The following NKAIN2 variants were observed in gnomAD, a reference collection of about 807,000 sequenced individuals.
The protein encoded by NKAIN2 is sodium/potassium-transporting ATPase subunit beta-1-interacting protein 2.
NKAIN2 carries 14 observed loss-of-function variants against 32.6 expected under a neutral mutation model. The observed-to-expected ratio is 0.43, with a 90% confidence interval of 0.28 to 0.67. NKAIN2 has a LOEUF of 0.67. Among genes scored for constraint, NKAIN2 ranks in the 30% least tolerant of loss-of-function variants. The pLI is 0.17. For missense variants in NKAIN2, 198 were observed against 258.3 expected (o/e 0.77, Z 1.60); for synonymous variants, 80 against 87.2 (o/e 0.92, Z 0.46).
chr6:123,876,333 A>G (rs1003793884), intron 1 of NKAIN2, among the ~76,000 whole-genome samples: 1 of 152,102 alleles, frequency 6.6e-6, no homozygotes, highest in Non-Finnish European at 1.5e-5. Flanking sequence ...TTTTTCAGCT[A>G]TTTAGATTAT....
chr6:123,902,785 C>T (rs1345363409), intron 1 of NKAIN2, among the ~76,000 whole-genome samples: 3 of 152,114 alleles, frequency 2.0e-5, no homozygotes, highest in Non-Finnish European at 4.4e-5. Flanking sequence ...TATAAAAATA[C>T]GTGATAAACA....
chr6:124,684,425 T>C (rs1294331924), intron 4 of NKAIN2, among the ~76,000 whole-genome samples: 1 of 152,148 alleles, frequency 6.6e-6, no homozygotes, highest in African/African-American at 2.4e-5. Flanking sequence ...AGTTCAGCAA[T>C]ATTTTTAAAC....
chr6:124,643,706 A>G (rs1196932457), intron 3 of NKAIN2, among the ~76,000 whole-genome samples: 1 of 152,206 alleles, frequency 6.6e-6, no homozygotes, highest in Non-Finnish European at 1.5e-5. Flanking sequence ...CCATTTCATA[A>G]GGAGTGCATT....
rs185965564 is a variant in NKAIN2, at chr6:124,479,749, C to T, written c.273+124402C>T. On this transcript the variant is annotated intron_variant, in intron 3 of 6. Transcript: ENST00000368417. ...CCTATAGTCGCATACAACTTGGGAG[C>T]TTATGGAAAAATTGTTAATACTGTT... Among the ~76,000 whole-genome samples the T allele has an allele frequency of 1.6e-3, 234 of 150,630 alleles. 2 individuals are homozygous for T. The highest frequency in any genetic ancestry group is 5.2e-4 in the Non-Finnish European group (35 of 67,822).
chr6:124,117,084 C>T (rs1330824108), intron 1 of NKAIN2, among the ~76,000 whole-genome samples: 2 of 151,154 alleles, frequency 1.3e-5, no homozygotes, highest in Non-Finnish European at 2.9e-5. Context: ...ATTTGCCTTC[C>T]CACCAAGAAA....
At chr6:123,967,826 G>A (rs890142856) in intron 1 of NKAIN2, among the ~76,000 whole-genome samples, 11 of 151,932 alleles carry the variant, frequency 7.2e-5, no homozygotes, top group Admixed American at 2.0e-4. Flanking sequence ...CCTCCACTTC[G>A]ATTATGTACA....
chr6:124,770,955 G>C (rs1403435802), intron 4 of NKAIN2, among the ~76,000 whole-genome samples: 1 of 152,130 alleles, frequency 6.6e-6, no homozygotes, highest in Non-Finnish European at 1.5e-5. Flanking sequence ...AAAGAAAAGA[G>C]AGTAAGAGGA....
chr6:124,358,821 G>C (rs1264328230), intron 3 of NKAIN2, among the ~76,000 whole-genome samples: 1 of 151,132 alleles, frequency 6.6e-6, no homozygotes, highest in Non-Finnish European at 1.5e-5. Flanking sequence ...CATTGCTTTT[G>C]GTGTTTTAGA....
intron 4 of NKAIN2, among the ~76,000 whole-genome samples, chr6:124,748,346 A>T (rs1307012208): frequency 6.6e-6 from 1 of 152,018 alleles, no homozygotes; most frequent in Non-Finnish European, 1.5e-5. Flanking sequence ...TAAGTCAATG[A>T]ATAAGTGAAG....
At chr6:124,807,030 A>T (rs1780601406) in intron 5 of NKAIN2, among the ~76,000 whole-genome samples, 1 of 152,166 alleles carries the variant, frequency 6.6e-6, no homozygotes, top group African/African-American at 2.4e-5. Context: ...ACTCCCACAC[A>T]TTAATAATGG....
chr6:124,671,613 T>C (rs1475841003), intron 4 of NKAIN2, among the ~76,000 whole-genome samples: 5 of 152,096 alleles, frequency 3.3e-5, no homozygotes. Flanking sequence ...GCTCTTATTC[T>C]GATCAACAAT....
intron 4 of NKAIN2, among the ~76,000 whole-genome samples, chr6:124,701,251 CT>C (rs1255722841): frequency 1.3e-5 from 2 of 151,780 alleles, no homozygotes; most frequent in Admixed American, 1.3e-4. Flanking sequence ...GTTTTACCTT[CT>C]CTTGATTATT....
At chr6:123,913,935 T>G (rs1011818829) in intron 1 of NKAIN2, among the ~76,000 whole-genome samples, 3 of 152,198 alleles carry the variant, frequency 2.0e-5, no homozygotes, top group African/African-American at 4.8e-5. Flanking sequence ...TTGTTAACAC[T>G]TAATATTTAC....
In NKAIN2 at chr6:124,216,383, TA is replaced by T. The variant is rs1349508697; in HGVS notation, c.55-66621del. Among the ~76,000 whole-genome samples the T allele has an allele frequency of 3.0e-4, 45 of 152,268 alleles. 1 individual carries two copies. The highest frequency in any genetic ancestry group is 2.9e-3 in the Admixed American group (44 of 15,286). On this transcript the variant is annotated intron_variant, in intron 1 of 6. Coordinates refer to ENST00000368417, the MANE Select transcript of NKAIN2 (RefSeq NM_001040214.3). ...AAAATTTACACCAAAACTTATTTGTTATCCCCCAGTCAATATTCACGGCACT... is the reference window on the plus strand; with the variant it reads ...AAAATTTACACCAAAACTTATTTGTTTCCCCCAGTCAATATTCACGGCACT...
intron 1 of NKAIN2, among the ~76,000 whole-genome samples, chr6:124,023,433 C>T (rs1187495254): frequency 6.6e-6 from 1 of 152,066 alleles, no homozygotes; most frequent in African/African-American, 2.4e-5. Flanking sequence ...CCCCTCTTGT[C>T]GTTTAATTCT....
At chr6:124,329,814 C>CTA (rs1360719886) in intron 2 of NKAIN2, among the ~76,000 whole-genome samples, 2 of 152,178 alleles carry the variant, frequency 1.3e-5, no homozygotes, top group Non-Finnish European at 2.9e-5. Context: ...CCTTTCTTTA[C>CTA]TATAAAGTAT....
Position 124,824,508 on chromosome 6 carries a change from C to T in NKAIN2, c.*1279C>T, listed in dbSNP as rs1250253072. 1 of 152,014 alleles carries T rather than the reference C, an allele frequency of 6.6e-6. No homozygotes were observed. Among genetic ancestry groups the T allele is most frequent in the Non-Finnish European group, 1.5e-5 (1 of 67,990 alleles). 9.4% of individuals were successfully genotyped at this position (152,014 alleles called of 1,614,324 possible). A position where few individuals can be genotyped will look rare whatever the true frequency, so the allele number is the denominator to read the frequency against. Reference sequence around the variant, plus strand: ...TGTTAACGTAGTTGGCAACAAGATGCCTTTGGAAACTTAATAGTAGGTCAA... The same window carrying T: ...TGTTAACGTAGTTGGCAACAAGATGTCTTTGGAAACTTAATAGTAGGTCAA... On this transcript the variant is annotated 3_prime_UTR_variant, in exon 7 of 7. Transcript: ENST00000368417.
chr6:123,927,121 A>C (rs540009285), intron 1 of NKAIN2, among the ~76,000 whole-genome samples: 1 of 152,216 alleles, frequency 6.6e-6, no homozygotes, highest in African/African-American at 2.4e-5. Context: ...CTGGAATCCA[A>C]GGCAACCATG....
At chr6:123,985,490 T>C (rs534364853) in intron 1 of NKAIN2, among the ~76,000 whole-genome samples, 4 of 152,280 alleles carry the variant, frequency 2.6e-5, no homozygotes, top group Admixed American at 1.3e-4. Flanking sequence ...ACATGTACTG[T>C]CCTGGAAAGA....
Sources: gnomAD v4.1 joint callset for allele counts (sites outside exome capture counted in the v4.1 genomes callset) on GRCh38, gnomAD v4.1.1 for gene constraint, MANE v1.5 for transcripts, NCBI Gene and HGNC (gene_info 2026-07-23, HGNC 2026-07-21) for gene names.